Variants in MRTFB observed in about 807,000 individuals in gnomAD.
The protein encoded by MRTFB is myocardin related transcription factor B, also known as myocardin-related transcription factor B.
In MRTFB, 29 loss-of-function variants were observed where a neutral mutation model predicts 104.2. The ratio of observed to expected loss-of-function variants is 0.28; its 90% CI spans 0.21 to 0.38. The LOEUF (loss-of-function observed/expected upper bound fraction) is 0.38, where lower values mean the gene tolerates loss of function less well. Ranked by LOEUF, MRTFB falls within the 10% of genes least tolerant of loss-of-function variation. MRTFB has a pLI of 1.00. For synonymous variants in MRTFB, 535 were observed against 519.5 expected, an observed-to-expected ratio of 1.03 and a Z score of -0.41; for missense variants, 1,270 against 1,341.6, an observed-to-expected ratio of 0.95 and a Z score of 0.83.
chr16:14,217,532 C>T (rs2041480431), intron 7 of MRTFB, among the ~76,000 whole-genome samples: 1 of 152,102 alleles, frequency 6.6e-6, no homozygotes, highest in African/African-American at 2.4e-5. Context: ...TTCATCTCAC[C>T]TTTTGGGGTC....
chr16:14,108,921 A>C (rs1470298116), intron 2 of MRTFB, among the ~76,000 whole-genome samples: 1 of 152,180 alleles, frequency 6.6e-6, no homozygotes, highest in East Asian at 1.9e-4. Context: ...TCTGTTATTT[A>C]CTGGAAGCAT....
chr16:14,006,211 C>T, the MRTFB span, among the ~76,000 whole-genome samples: 73 of 152,216 alleles, frequency 4.8e-4, 1 homozygote, highest in African/African-American at 1.7e-3. Context: ...GGCGTGGTGG[C>T]GCATGCCTAT....
chr16:14,226,363 C>G (rs1034402669), intron 8 of MRTFB, among the ~76,000 whole-genome samples: 1 of 151,926 alleles, frequency 6.6e-6, no homozygotes, highest in Non-Finnish European at 1.5e-5. Flanking sequence ...AACAGTGAGC[C>G]CAGAAATAAG....
rs755702609 is a variant in MRTFB at position 14,245,608 on chromosome 16, C to T, written c.1160C>T (p.Ser387Phe). Residue 387 changes from serine (S) to phenylalanine (F), a missense_variant, in exon 11 of 17, where the codon TCT becomes TTT. Coordinates refer to ENST00000571589, the MANE Select transcript of MRTFB (RefSeq NM_001308142.2). The part of the protein sequence containing the change: ...ATPNTPRQNT[S>F]TPVRKPGPLP... The stretch of plus-strand genomic sequence containing the variant: ...CCTAACACACCAAGACAGAATACAT[C>T]TACTCCTGTGAGAAAGCCAGGACCT... 1.5e-5 allele frequency: 25 copies of T among 1,613,922 alleles called. No homozygotes were observed. The South Asian group carries it at 2.5e-4, about 16-fold the overall frequency.
chr16:14,131,050 A>G (rs1349367781), intron 2 of MRTFB, among the ~76,000 whole-genome samples: 4 of 152,144 alleles, frequency 2.6e-5, no homozygotes, highest in African/African-American at 9.7e-5. Flanking sequence ...AAACCATATC[A>G]TGTGCTATGA....
rs547484379 is a variant in MRTFB at position 14,128,400 on chromosome 16, G to C, written c.-63-12144G>C. On this transcript the variant is annotated intron_variant, in intron 2 of 16. Transcript: ENST00000571589. ...CAGGAGCTGGCCCACATTCCTGGAA[G>C]ACAACTGAAATAACCGTTACTTTGA... Among the ~76,000 whole-genome samples the C allele has an allele frequency of 2.0e-5, 3 of 152,276 alleles. No homozygotes were observed. In the South Asian group the frequency reaches 6.2e-4, roughly 32 times the overall value.
chr16:14,237,353 C>T (rs747764787), intron 9 of MRTFB, among the ~76,000 whole-genome samples: 4 of 152,134 alleles, frequency 2.6e-5, no homozygotes, highest in African/African-American at 7.2e-5. Context: ...AAGCCAGACA[C>T]GATGTTTCAA....
chr16:14,053,554 A>C, the MRTFB span, among the ~76,000 whole-genome samples: 1 of 152,010 alleles, frequency 6.6e-6, no homozygotes, highest in Non-Finnish European at 1.5e-5. Context: ...AACATGGTGA[A>C]ACCCTGTCTC....
chr16:14,096,815 TG>T (rs1216879934), intron 2 of MRTFB, among the ~76,000 whole-genome samples: 1 of 152,228 alleles, frequency 6.6e-6, no homozygotes, highest in Non-Finnish European at 1.5e-5. Context: ...TTTGGGTCCC[TG>T]TTCCTAAGCT....
At chr16:14,067,826 A>G (rs564672050), upstream of MRTFB, among the ~76,000 whole-genome samples, 3 of 152,108 alleles carry the variant, frequency 2.0e-5, no homozygotes, top group Non-Finnish European at 4.4e-5. Context: ...ATAATTAAAA[A>G]CTAATTTTAT....
At chr16:14,239,019 T>C (rs1329332931) in intron 9 of MRTFB, among the ~76,000 whole-genome samples, 1 of 152,156 alleles carries the variant, frequency 6.6e-6, no homozygotes, top group African/African-American at 2.4e-5. Context: ...TATTGCTGAA[T>C]GCACAATTGG....
chr16:14,105,235 T>C (rs1326138571), intron 2 of MRTFB, among the ~76,000 whole-genome samples: 2 of 152,198 alleles, frequency 1.3e-5, no homozygotes, highest in African/African-American at 2.4e-5. Flanking sequence ...TTGTACCTCA[T>C]TGCTGTCTTT....
intron 3 of MRTFB, among the ~76,000 whole-genome samples, chr16:14,203,803 C>CG (rs1272132123): frequency 7.8e-5 from 5 of 64,336 alleles, no homozygotes; most frequent in Admixed American, 5.1e-4. Context: ...GACTCTGTCT[C>CG]GAAAAAAAAA....
intron 8 of MRTFB, among the ~76,000 whole-genome samples, chr16:14,225,332 T>C (rs1482328225): frequency 6.6e-6 from 1 of 152,220 alleles, no homozygotes; most frequent in Non-Finnish European, 1.5e-5. Context: ...ACACAGTATA[T>C]AACAACGTAG....
rs1196919050 is a variant in MRTFB at position 14,247,521 on chromosome 16, C to T, written c.2247+14C>T. On this transcript the variant is annotated intron_variant, in intron 12 of 16. Coordinates refer to ENST00000571589, the MANE Select transcript of MRTFB (RefSeq NM_001308142.2). The stretch of plus-strand genomic sequence containing the variant: ...CTCAAACTCCAGGTGTGAAGTGTGT[C>T]TTCTAACTACTTTGCCTTACAGCAT... 1 of 1,531,980 alleles carries T rather than the reference C, an allele frequency of 6.5e-7. No homozygotes were observed. Among genetic ancestry groups the T allele is most frequent in the African/African-American group, 1.4e-5 (1 of 73,224 alleles). The allele number at this position is 1,531,980 out of a possible 1,614,324, so 94.9% of individuals were successfully genotyped here.
intron 2 of MRTFB, among the ~76,000 whole-genome samples, chr16:14,099,382 G>GTT (rs151000122): frequency 8.8e-4 from 121 of 137,134 alleles, no homozygotes; most frequent in African/African-American, 2.8e-3. Context: ...TTTTTGGTGG[G>GTT]TTTTTTTTTT....
chr16:14,163,412 G>A (rs1196959648), intron 3 of MRTFB, among the ~76,000 whole-genome samples: 1 of 152,124 alleles, frequency 6.6e-6, no homozygotes, highest in African/African-American at 2.4e-5. Flanking sequence ...TTGTAGCATT[G>A]TCCTATCAAT....
chr16:14,093,404 G>A (rs2035194299), intron 2 of MRTFB, among the ~76,000 whole-genome samples: 1 of 151,962 alleles, frequency 6.6e-6, no homozygotes, highest in Non-Finnish European at 1.5e-5. Flanking sequence ...TAAATTTGCA[G>A]TACAGATGTG....
At chr16:14,091,635 G>A (rs1034810290) in intron 2 of MRTFB, among the ~76,000 whole-genome samples, 16 of 152,110 alleles carry the variant, frequency 1.1e-4, no homozygotes, top group Non-Finnish European at 2.1e-4. Context: ...ATCTGTGCAC[G>A]TCCACTCTAG....
Sources: gnomAD v4.1 joint callset for allele counts (sites outside exome capture counted in the v4.1 genomes callset) on GRCh38, gnomAD v4.1.1 for gene constraint, MANE v1.5 for transcripts, NCBI Gene and HGNC (gene_info 2026-07-23, HGNC 2026-07-21) for gene names.